The following CRB1 variants were observed in gnomAD, a reference collection of about 807,000 sequenced individuals.
CRB1 encodes the protein protein crumbs homolog 1.
Under a neutral mutation model 120.0 loss-of-function variants are expected in CRB1, and 83 were observed. The ratio of observed to expected loss-of-function variants is 0.69; its 90% CI spans 0.58 to 0.83. The LOEUF is 0.83. Ranked by LOEUF, CRB1 falls within the 40% of genes least tolerant of loss-of-function variation. CRB1 has a pLI of 0.00. For missense variants in CRB1, 1,699 were observed against 1,687.6 expected (o/e 1.01, Z -0.12); for synonymous variants, 625 against 612.5 (o/e 1.02, Z -0.30).
rs149645899 is a variant in CRB1, at chr1:197,412,251, A to G, written c.1172-8749A>G. 7.9e-5 allele frequency among the ~76,000 whole-genome samples: 12 copies of G among 152,324 alleles called. No individual in the cohort carries two copies. The East Asian group carries it at 1.7e-3, about 22-fold the overall frequency. On this transcript the variant is annotated intron_variant, in intron 5 of 11. Coordinates refer to ENST00000367400, the MANE Select transcript of CRB1 (RefSeq NM_201253.3). Reference sequence around the variant, plus strand: ...TGCCTTATATATTTTTATTCAAGTAATATTTATCCAAGTTCACTTATGCTG... The same window carrying G: ...TGCCTTATATATTTTTATTCAAGTAGTATTTATCCAAGTTCACTTATGCTG...
chr1:197,299,547 T>TA (rs1417163031), intron 1 of CRB1, among the ~76,000 whole-genome samples: 1 of 124,952 alleles, frequency 8.0e-6, no homozygotes, highest in Non-Finnish European at 1.7e-5. Context: ...TGCAATCGTG[T>TA]ACAAATCAAA....
At chr1:197,316,093 G>C (rs1267280790) in intron 1 of CRB1, among the ~76,000 whole-genome samples, 1 of 152,130 alleles carries the variant, frequency 6.6e-6, no homozygotes, top group African/African-American at 2.4e-5. Context: ...TAGGGGACAG[G>C]GGTTTTAAAC....
At chr1:197,298,769 C>G (rs1376422568) in intron 1 of CRB1, among the ~76,000 whole-genome samples, 1 of 152,036 alleles carries the variant, frequency 6.6e-6, no homozygotes. Flanking sequence ...GTATTGCCAT[C>G]ATTGGGAACA....
At chr1:197,397,270 G>C (rs1190953770) in intron 5 of CRB1, among the ~76,000 whole-genome samples, 1 of 152,056 alleles carries the variant, frequency 6.6e-6, no homozygotes, top group Admixed American at 6.6e-5. Flanking sequence ...TGTATGTGTT[G>C]AGAGAGAGAA....
intron 5 of CRB1, among the ~76,000 whole-genome samples, chr1:197,378,599 T>A (rs1661772519): frequency 6.6e-6 from 1 of 152,226 alleles, no homozygotes; most frequent in Admixed American, 6.5e-5. Context: ...GACCTGTTTT[T>A]CACTCCTCTC....
At chr1:197,315,681 G>A (rs1044645461) in intron 1 of CRB1, among the ~76,000 whole-genome samples, 2 of 152,162 alleles carry the variant, frequency 1.3e-5, no homozygotes, top group Admixed American at 6.5e-5. Context: ...TATTTGTTTA[G>A]ACTTTCCCAA....
chr1:197,387,307 T>A (rs1280681427), intron 5 of CRB1, among the ~76,000 whole-genome samples: 2 of 152,102 alleles, frequency 1.3e-5, no homozygotes, highest in African/African-American at 4.8e-5. Context: ...TACATTATGT[T>A]AATAAAGCTA....
At chr1:197,453,083 C>T (rs1389556766) in intron 11 of CRB1, among the ~76,000 whole-genome samples, 3 of 151,516 alleles carry the variant, frequency 2.0e-5, no homozygotes, top group South Asian at 2.1e-4. Context: ...TAGGAATGAA[C>T]CAGAAGTACA....
intron 1 of CRB1, among the ~76,000 whole-genome samples, chr1:197,306,893 TTCTAGTCACA>T (rs1657205539): frequency 6.6e-6 from 1 of 152,224 alleles, no homozygotes; most frequent in Admixed American, 6.5e-5. Context: ...ATGATCTGTA[TTCTAGTCACA>T]TCATGTTGTT....
At chr1:197,416,080 A>G (rs1663985668) in intron 5 of CRB1, among the ~76,000 whole-genome samples, 1 of 152,192 alleles carries the variant, frequency 6.6e-6, no homozygotes, top group Admixed American at 6.5e-5. Context: ...CTATTCACTT[A>G]GAATCTATTG....
chr1:197,434,849 C>G lies in CRB1; in HGVS notation c.2986C>G (p.Pro996Ala). The G allele has an allele frequency of 6.2e-7, 1 of 1,613,758 alleles. No individual in the cohort carries two copies. Among genetic ancestry groups the G allele is most frequent in the Non-Finnish European group, 8.5e-7 (1 of 1,179,784 alleles). Residue 996 changes from proline (P) to alanine (A), a missense_variant, in exon 9 of 12, where the codon CCT becomes GCT. By Grantham distance (27) the Pro-to-Ala change is conservative. Coordinates refer to ENST00000367400, the MANE Select transcript of CRB1 (RefSeq NM_201253.3). ...AATAATATTGCATGCAGAAAAAGAG[C>G]CTGAATTTCTTAATATTAGCATTCA... is the stretch of plus-strand genomic sequence containing the variant. Reference protein sequence around the residue: ...NVIILHAEKEPEFLNISIQDS... With the variant: ...NVIILHAEKEAEFLNISIQDS...
At chr1:197,296,630 G>A (rs776542892) in intron 1 of CRB1, among the ~76,000 whole-genome samples, 58 of 152,156 alleles carry the variant, frequency 3.8e-4, no homozygotes, top group Non-Finnish European at 6.8e-4. Flanking sequence ...TGATCTGTCT[G>A]GTAACCAAGT....
At chr1:197,319,895 G>A (rs1319228379) in intron 1 of CRB1, among the ~76,000 whole-genome samples, 1 of 152,130 alleles carries the variant, frequency 6.6e-6, no homozygotes, top group African/African-American at 2.4e-5. Context: ...AAATAGACCT[G>A]AGGTAAACAG....
At chr1:197,290,090 A>G (rs1160616903) in intron 1 of CRB1, among the ~76,000 whole-genome samples, 1 of 151,632 alleles carries the variant, frequency 6.6e-6, no homozygotes, top group Non-Finnish European at 1.5e-5. Context: ...ATGACTTATA[A>G]TTTTTTATTT....
chr1:197,474,111 A>G (rs1393162603), intron 11 of CRB1, among the ~76,000 whole-genome samples: 1 of 152,200 alleles, frequency 6.6e-6, no homozygotes, highest in Non-Finnish European at 1.5e-5. Context: ...AGAATTAGGG[A>G]AAATGATAAA....
intron 3 of CRB1, among the ~76,000 whole-genome samples, chr1:197,346,176 C>T (rs1476189366): frequency 1.3e-5 from 2 of 152,010 alleles, no homozygotes; most frequent in Admixed American, 1.3e-4. Context: ...ACCATTATCT[C>T]TTATTGCCTA....
At chr1:197,458,634 T>G (rs1666390262) in intron 11 of CRB1, among the ~76,000 whole-genome samples, 1 of 152,116 alleles carries the variant, frequency 6.6e-6, no homozygotes, top group African/African-American at 2.4e-5. Flanking sequence ...GCCTTCCACA[T>G]ATTCTCTACA....
chr1:197,257,043 A>C, the CRB1 span, among the ~76,000 whole-genome samples: 1 of 151,836 alleles, frequency 6.6e-6, no homozygotes, highest in Non-Finnish European at 1.5e-5. Flanking sequence ...CAGAAAAGCC[A>C]AAGTGGTGTA....
intron 2 of CRB1, among the ~76,000 whole-genome samples, chr1:197,340,772 C>T (rs943641518): frequency 7.2e-5 from 11 of 152,084 alleles, no homozygotes; most frequent in East Asian, 3.9e-4. Flanking sequence ...TGGCGCAAAT[C>T]AGCACAGGTG....
Sources: gnomAD v4.1 joint callset for allele counts (sites outside exome capture counted in the v4.1 genomes callset) on GRCh38, gnomAD v4.1.1 for gene constraint, MANE v1.5 for transcripts, NCBI Gene and HGNC (gene_info 2026-07-23, HGNC 2026-07-21) for gene names.